The following ST6GALNAC3 variants were observed in gnomAD, a reference collection of about 807,000 sequenced individuals.
The protein encoded by ST6GALNAC3 is alpha-N-acetylgalactosaminide alpha-2,6-sialyltransferase 3.
Under a neutral mutation model 32.7 loss-of-function variants are expected in ST6GALNAC3, and 25 were observed. The ratio of observed to expected loss-of-function variants is 0.76; its 90% CI spans 0.56 to 1.07. ST6GALNAC3 has a LOEUF of 1.07. ST6GALNAC3 is among the 50% of genes least tolerant of loss of function. ST6GALNAC3 has a pLI of 0.00. For synonymous variants in ST6GALNAC3, 129 were observed against 133.1 expected, an observed-to-expected ratio of 0.97 and a Z score of 0.21; for missense variants, 355 against 382.4, an observed-to-expected ratio of 0.93 and a Z score of 0.60.
intron 1 of ST6GALNAC3, among the ~76,000 whole-genome samples, chr1:76,289,737 AG>A (rs1659970933): frequency 6.6e-6 from 1 of 152,240 alleles, no homozygotes; most frequent in Non-Finnish European, 1.5e-5. Context: ...TAACCAATAG[AG>A]GGTTTAATCA....
At chr1:76,468,263 T>G (rs2101618693) in intron 3 of ST6GALNAC3, among the ~76,000 whole-genome samples, 1 of 152,072 alleles carries the variant, frequency 6.6e-6, no homozygotes, top group Non-Finnish European at 1.5e-5. Context: ...AGACCCCCAC[T>G]TAGATACTGA....
In ST6GALNAC3 at chr1:76,630,101, C is replaced by T; in HGVS notation, c.*1295C>T. ...GGCTATTGTCTGTGTATTCTGCTCT[C>T]TTTAGCAGATGATCTGTAATTTGGT... is the stretch of plus-strand genomic sequence containing the variant. On this transcript the variant is annotated 3_prime_UTR_variant, in exon 5 of 5. Coordinates refer to ENST00000328299, the MANE Select transcript of ST6GALNAC3 (RefSeq NM_152996.4). 1 of 985,140 alleles carries T rather than the reference C, an allele frequency of 1.0e-6. No individual in the cohort carries two copies. Among genetic ancestry groups the T allele is most frequent in the Non-Finnish European group, 1.2e-6 (1 of 829,738 alleles). 61.0% of individuals were successfully genotyped at this position (985,140 alleles called of 1,614,324 possible).
intron 3 of ST6GALNAC3, among the ~76,000 whole-genome samples, chr1:76,615,420 G>A (rs543178364): frequency 1.3e-5 from 2 of 152,044 alleles, no homozygotes; most frequent in African/African-American, 2.4e-5. Flanking sequence ...GTTCATCCAC[G>A]CCTGCTCTGT....
chr1:76,375,725 A>G (rs1325442866), intron 2 of ST6GALNAC3, among the ~76,000 whole-genome samples: 1 of 152,210 alleles, frequency 6.6e-6, no homozygotes, highest in Non-Finnish European at 1.5e-5. Context: ...AATAAATCAA[A>G]TGTCTATTTT....
At chr1:76,122,310 A>T (rs72992611) in intron 1 of ST6GALNAC3, among the ~76,000 whole-genome samples, 7 of 152,182 alleles carry the variant, frequency 4.6e-5, no homozygotes, top group African/African-American at 1.7e-4. Context: ...CGTTATCTTC[A>T]TAGGTGGTTA....
intron 1 of ST6GALNAC3, among the ~76,000 whole-genome samples, chr1:76,293,771 T>A (rs1660227869): frequency 3.3e-5 from 5 of 152,210 alleles, no homozygotes. Flanking sequence ...AGATCTTCAG[T>A]AAAATTCCTT....
At chr1:76,590,224 C>T (rs781716642) in intron 3 of ST6GALNAC3, among the ~76,000 whole-genome samples, 12 of 152,248 alleles carry the variant, frequency 7.9e-5, no homozygotes, top group Non-Finnish European at 1.8e-4. Context: ...AGCTGCTCAA[C>T]GTGACCACAT....
chr1:76,251,901 A>C (rs535845116), intron 1 of ST6GALNAC3, among the ~76,000 whole-genome samples: 4 of 152,210 alleles, frequency 2.6e-5, no homozygotes, highest in African/African-American at 7.2e-5. Context: ...ACGCTCCTTA[A>C]AGGGCCTAAG....
At chr1:76,457,840 T>C (rs955521399) in intron 3 of ST6GALNAC3, among the ~76,000 whole-genome samples, 5 of 149,990 alleles carry the variant, frequency 3.3e-5, no homozygotes, top group Non-Finnish European at 6.0e-5. Flanking sequence ...ACTTCATGTC[T>C]AAAACACCAA....
chr1:76,526,681 C>A (rs1348397341), intron 3 of ST6GALNAC3, among the ~76,000 whole-genome samples: 13 of 152,030 alleles, frequency 8.6e-5, no homozygotes, highest in Non-Finnish European at 2.9e-5. Flanking sequence ...CAGCTACTTT[C>A]TTTCTTTCTT....
intron 3 of ST6GALNAC3, among the ~76,000 whole-genome samples, chr1:76,523,662 T>A (rs2101798551): frequency 6.6e-6 from 1 of 152,306 alleles, no homozygotes; most frequent in Admixed American, 6.5e-5. Context: ...AGCTCATTCA[T>A]CCTAGCAAGT....
chr1:76,097,199 G>A (rs1056936107), intron 1 of ST6GALNAC3, among the ~76,000 whole-genome samples: 1 of 152,190 alleles, frequency 6.6e-6, no homozygotes, highest in Non-Finnish European at 1.5e-5. Context: ...GATTACAGGC[G>A]TGAACCACTG....
intron 3 of ST6GALNAC3, among the ~76,000 whole-genome samples, chr1:76,609,718 G>T (rs989733521): frequency 6.6e-6 from 1 of 152,154 alleles, no homozygotes; most frequent in African/African-American, 2.4e-5. Context: ...AAGATACTGA[G>T]AAGTCCAGTA....
At chr1:76,547,743 A>G (rs1201887331) in intron 3 of ST6GALNAC3, among the ~76,000 whole-genome samples, 2 of 151,914 alleles carry the variant, frequency 1.3e-5, no homozygotes, top group African/African-American at 2.4e-5. Context: ...ACTCTCAGCT[A>G]CTTGGGAGGC....
intron 1 of ST6GALNAC3, among the ~76,000 whole-genome samples, chr1:76,244,203 G>A (rs2100676554): frequency 6.6e-6 from 1 of 151,862 alleles, no homozygotes; most frequent in East Asian, 1.9e-4. Flanking sequence ...TATTCTCTTT[G>A]TAGCAATTGT....
chr1:76,564,208 G>A (rs552637895), intron 3 of ST6GALNAC3, among the ~76,000 whole-genome samples: 1 of 152,298 alleles, frequency 6.6e-6, no homozygotes, highest in South Asian at 2.1e-4. Flanking sequence ...TTGTGTCAGC[G>A]CCTCTCCCTT....
At chr1:76,503,503 T>C (rs1413943447) in intron 3 of ST6GALNAC3, among the ~76,000 whole-genome samples, 1 of 152,246 alleles carries the variant, frequency 6.6e-6, no homozygotes, top group Non-Finnish European at 1.5e-5. Context: ...GCAAAATCTG[T>C]TCCTGTCTTG....
intron 3 of ST6GALNAC3, among the ~76,000 whole-genome samples, chr1:76,612,303 A>G (rs1415229016): frequency 6.6e-6 from 1 of 152,194 alleles, no homozygotes; most frequent in Non-Finnish European, 1.5e-5. Flanking sequence ...TGGAGGTAAT[A>G]ATCTGAGGCC....
At chr1:76,200,092 C>T (rs1011964347) in intron 1 of ST6GALNAC3, among the ~76,000 whole-genome samples, 2 of 152,210 alleles carry the variant, frequency 1.3e-5, no homozygotes, top group Non-Finnish European at 2.9e-5. Context: ...CAACTATGCA[C>T]ATGGTAAGTA....
Sources: allele counts gnomAD v4.1 joint callset (sites outside exome capture counted in the v4.1 genomes callset), GRCh38; gene constraint gnomAD v4.1.1; transcripts MANE v1.5; gene names NCBI Gene and HGNC (gene_info 2026-07-23, HGNC 2026-07-21).